Variants in CHRNA5 observed in about 807,000 individuals in gnomAD.
CHRNA5 encodes the protein neuronal acetylcholine receptor subunit alpha-5.
Under a neutral mutation model 41.2 loss-of-function variants are expected in CHRNA5, and 28 were observed. The ratio of observed to expected loss-of-function variants is 0.68; its 90% CI spans 0.50 to 0.93. The LOEUF is 0.93. Among genes scored for constraint, CHRNA5 ranks in the 40% least tolerant of loss-of-function variants. CHRNA5 has a pLI of 0.00. For missense variants in CHRNA5, 481 were observed against 581.9 expected (o/e 0.83, Z 1.78); for synonymous variants, 188 against 205.8 (o/e 0.91, Z 0.74).
At chr15:78,586,200 T>C (rs1043901638) in intron 2 of CHRNA5, among the ~76,000 whole-genome samples, 3 of 152,230 alleles carry the variant, frequency 2.0e-5, no homozygotes, top group Non-Finnish European at 4.4e-5. Context: ...AGAAATACCG[T>C]ATCTCACTGA....
intron 1 of CHRNA5, among the ~76,000 whole-genome samples, chr15:78,567,048 C>G (rs1284295253): frequency 6.6e-6 from 1 of 151,820 alleles, no homozygotes; most frequent in Non-Finnish European, 1.5e-5. Flanking sequence ...GTCAGGAGAT[C>G]GAGACCATCC....
At chr15:78,595,205 C>T in exon 6 of CHRNA5, 1 of 807,674 alleles carries the variant, frequency 1.2e-6, no homozygotes, top group Non-Finnish European at 1.5e-6. Context: ...TCGTATACAT[C>T]CCTGATCCCT....
At chr15:78,592,863 T>C (rs891832240) in intron 5 of CHRNA5, among the ~76,000 whole-genome samples, 1 of 152,156 alleles carries the variant, frequency 6.6e-6, no homozygotes, top group African/African-American at 2.4e-5. Context: ...ACTTGTAATA[T>C]AAGTTGATGT....
chr15:78,574,628 C>T (rs954802015), intron 1 of CHRNA5, among the ~76,000 whole-genome samples: 4 of 151,994 alleles, frequency 2.6e-5, no homozygotes, highest in Admixed American at 2.0e-4. Context: ...AAGTCGTTGC[C>T]ATACCCATTT....
At chr15:78,566,340 G>A (rs1218995694) in intron 1 of CHRNA5, among the ~76,000 whole-genome samples, 1 of 152,176 alleles carries the variant, frequency 6.6e-6, no homozygotes, top group Non-Finnish European at 1.5e-5. Context: ...AGCAGGCTAG[G>A]CGGCCAACTT....
intron 1 of CHRNA5, among the ~76,000 whole-genome samples, chr15:78,577,788 G>A (rs1419111787): frequency 6.6e-6 from 1 of 151,870 alleles, no homozygotes; most frequent in Non-Finnish European, 1.5e-5. Context: ...CAAAACATTA[G>A]CCAGGTGTGG....
intron 1 of CHRNA5, among the ~76,000 whole-genome samples, chr15:78,578,274 G>A (rs2052877021): frequency 1.3e-5 from 2 of 152,170 alleles, no homozygotes; most frequent in Admixed American, 6.5e-5. Context: ...TTGGGAGGCC[G>A]AGGCGGGTGG....
At chr15:78,581,769 C>T (rs1337816483) in intron 2 of CHRNA5, among the ~76,000 whole-genome samples, 1 of 152,006 alleles carries the variant, frequency 6.6e-6, no homozygotes, top group Non-Finnish European at 1.5e-5. Context: ...TGTTTCTTGC[C>T]AGTCTGTCTT....
Position 78,565,754 on chromosome 15 carries a change from G to T in CHRNA5, c.35G>T (p.Arg12Leu), listed in dbSNP as rs1176168726. 19 of 1,208,102 alleles carry T rather than the reference G, an allele frequency of 1.6e-5. No individual in the cohort carries two copies. The highest frequency in any genetic ancestry group is 1.9e-5 in the Non-Finnish European group (18 of 972,776). 74.8% of individuals were successfully genotyped at this position (1,208,102 alleles called of 1,614,324 possible). The change falls in exon 1 of 6, where the codon CGC (arginine) becomes CTC (leucine). Residue 12 changes from arginine to leucine, a missense_variant. Physicochemically the swap from Arg to Leu is moderately radical, Grantham distance 102. Coordinates refer to ENST00000299565, the Ensembl canonical transcript of CHRNA5. ...CGGGGGTCAGGGCCCCGCGCGCTCC[G>T]CCTGCTGCTCTTGGTCCAGCTGGTC...
In CHRNA5 at chr15:78,581,144, A is replaced by G. The variant is rs189624668; in HGVS notation, c.258+182A>G. Among the ~76,000 whole-genome samples, 5 of 152,392 alleles carry G rather than the reference A, an allele frequency of 3.3e-5. No homozygotes were observed. The East Asian group carries it at 5.8e-4, about 18-fold the overall frequency. ...ATACATGATAACACACTGTGTTTATATATTTTATAGTTTAGAAACTGTTTA... is the reference window on the plus strand; with the variant it reads ...ATACATGATAACACACTGTGTTTATGTATTTTATAGTTTAGAAACTGTTTA... On this transcript the variant is annotated intron_variant, in intron 2 of 5. Coordinates refer to ENST00000299565, the Ensembl canonical transcript of CHRNA5.
chr15:78,568,798 C>G (rs571975385), intron 1 of CHRNA5, among the ~76,000 whole-genome samples: 1 of 152,232 alleles, frequency 6.6e-6, no homozygotes, highest in South Asian at 2.1e-4. Context: ...CATGTCCCTG[C>G]AAAGGACATG....
chr15:78,595,173 C>T, exon 6 of CHRNA5: 1 of 475,720 alleles, frequency 2.1e-6, no homozygotes, highest in Non-Finnish European at 2.7e-6. Flanking sequence ...ATTTAGATTG[C>T]CTGCCAGCTA....
chr15:78,587,719 G>A (rs2052974414), intron 3 of CHRNA5, among the ~76,000 whole-genome samples: 1 of 151,826 alleles, frequency 6.6e-6, no homozygotes, highest in Admixed American at 6.6e-5. Flanking sequence ...TTTTTTCTGG[G>A]CCACCATACA....
At chr15:78,579,134 T>G (rs540973848) in intron 1 of CHRNA5, among the ~76,000 whole-genome samples, 40 of 152,262 alleles carry the variant, frequency 2.6e-4, no homozygotes, top group Middle Eastern at 6.8e-3. Context: ...TGTTTCCTGA[T>G]TTTTGAACGG....
At chr15:78,576,902 A>C (rs886857837) in intron 1 of CHRNA5, among the ~76,000 whole-genome samples, 2 of 152,182 alleles carry the variant, frequency 1.3e-5, no homozygotes, top group Non-Finnish European at 2.9e-5. Flanking sequence ...AGCAAATATT[A>C]ACTATTTAAA....
exon 1 of CHRNA5, chr15:78,565,724 C>T: frequency 8.6e-7 from 1 of 1,168,606 alleles, no homozygotes; most frequent in South Asian, 4.2e-5. Context: ...GGGGCGATGG[C>T]GGCGCGGGGG....
intron 1 of CHRNA5, among the ~76,000 whole-genome samples, chr15:78,575,373 C>T (rs1408499722): frequency 1.3e-5 from 2 of 151,984 alleles, no homozygotes; most frequent in Admixed American, 6.6e-5. Flanking sequence ...AAGAATTATC[C>T]CATTTAATTT....
At chr15:78,566,139 TC>T (rs1378623773) in intron 1 of CHRNA5, among the ~76,000 whole-genome samples, 2 of 152,256 alleles carry the variant, frequency 1.3e-5, no homozygotes, top group East Asian at 3.9e-4. Flanking sequence ...AGCAGGGCTT[TC>T]CTGTCCTGGT....
At chr15:78,566,842 C>CA (rs1323425917) in intron 1 of CHRNA5, among the ~76,000 whole-genome samples, 1 of 152,158 alleles carries the variant, frequency 6.6e-6, no homozygotes, top group Non-Finnish European at 1.5e-5. Context: ...AAATCCTGGG[C>CA]AGAGAGAGTT....
Sources: gnomAD v4.1 joint callset for allele counts (sites outside exome capture counted in the v4.1 genomes callset) on GRCh38, gnomAD v4.1.1 for gene constraint, MANE v1.5 for transcripts, NCBI Gene and HGNC (gene_info 2026-07-23, HGNC 2026-07-21) for gene names.